Variants in RALB observed in about 807,000 individuals in gnomAD.
RALB encodes ras-related protein Ral-B.
Under a neutral mutation model 21.3 loss-of-function variants are expected in RALB, and 16 were observed. The ratio of observed to expected loss-of-function variants is 0.75; its 90% confidence interval spans 0.51 to 1.14. The LOEUF is 1.14. Ranked by LOEUF, RALB falls within the 50% of genes most tolerant of loss-of-function variation. The probability of loss-of-function intolerance (pLI) is 0.00; values close to 1 mark genes in which losing one functional copy is unlikely to be tolerated. For missense variants in RALB, 161 were observed against 256.2 expected, an observed-to-expected ratio of 0.63 and a Z score of 2.54; for synonymous variants, 93 against 96.1, an observed-to-expected ratio of 0.97 and a Z score of 0.19.
intron 1 of RALB, among the ~76,000 whole-genome samples, chr2:120,241,399 G>A (rs1470792181): frequency 6.6e-6 from 1 of 152,192 alleles, no homozygotes; most frequent in East Asian, 1.9e-4. Context: ...GAAGGAAACA[G>A]CCTCCTCACA....
chr2:120,271,551 GCC>G (rs1689666259), intron 1 of RALB, among the ~76,000 whole-genome samples: 1 of 152,050 alleles, frequency 6.6e-6, no homozygotes, highest in South Asian at 2.1e-4. Flanking sequence ...GGCACTTTAG[GCC>G]CATTTATAGA....
At chr2:120,289,238 C>T (rs1360166997) in intron 3 of RALB, among the ~76,000 whole-genome samples, 2 of 101,166 alleles carry the variant, frequency 2.0e-5, no homozygotes, top group South Asian at 3.1e-4. Context: ...CATTTTTCTT[C>T]TTTTTGTTTT....
At chr2:120,250,037 C>T (rs1252652611), upstream of RALB, among the ~76,000 whole-genome samples, 3 of 152,232 alleles carry the variant, frequency 2.0e-5, no homozygotes, top group African/African-American at 7.2e-5. Context: ...GAGGTCCTAG[C>T]TTAAATGTCA....
In RALB at chr2:120,285,991, A is replaced by G. The variant is rs1290831341; in HGVS notation, c.232A>G (p.Ile78Val). 2 of 1,614,160 alleles carry G rather than the reference A, an allele frequency of 1.2e-6. No individual in the cohort carries two copies. The highest frequency in any genetic ancestry group is 8.5e-7 in the Non-Finnish European group (1 of 1,180,008). ...CGCTGGGCAAGAGGACTACGCAGCC[A>G]TTCGAGATAACTACTTTCGGAGTGG... Reference protein sequence around the residue: ...DTAGQEDYAAIRDNYFRSGEG... With the variant: ...DTAGQEDYAAVRDNYFRSGEG... Residue 78 changes from isoleucine to valine, a missense_variant, in exon 3 of 5, where the codon ATT becomes GTT. Coordinates refer to ENST00000272519, the MANE Select transcript of RALB (RefSeq NM_002881.3).
intron 2 of RALB, among the ~76,000 whole-genome samples, chr2:120,285,188 G>A (rs937035587): frequency 6.6e-6 from 1 of 152,138 alleles, no homozygotes; most frequent in East Asian, 1.9e-4. Flanking sequence ...GAAGTGCAGA[G>A]CGAAGTGGGG....
In RALB at chr2:120,271,291, T is replaced by C. The variant is rs560248804; in HGVS notation, c.-47-7327T>C. On this transcript the variant is annotated intron_variant, in intron 1 of 4. Transcript: ENST00000272519. ...CTTCTCAAGTGAATATATGTTCTGG[T>C]ATTTGGTTTTATGCTAAGTGGTAGA... Among the ~76,000 whole-genome samples, 163 of 152,344 alleles carry C rather than the reference T, an allele frequency of 1.1e-3. 2 individuals carry two copies. Among genetic ancestry groups the C allele is most frequent in the Non-Finnish European group, 1.5e-3 (102 of 68,036 alleles).
intron 1 of RALB, among the ~76,000 whole-genome samples, chr2:120,242,441 G>A (rs186852304): frequency 6.6e-5 from 10 of 152,312 alleles, no homozygotes; most frequent in Non-Finnish European, 1.5e-4. Flanking sequence ...TAGGCCAGGC[G>A]CAGTGGCTCA....
upstream of RALB, among the ~76,000 whole-genome samples, chr2:120,252,280 G>A (rs1251793333): frequency 6.6e-6 from 1 of 152,112 alleles, no homozygotes; most frequent in African/African-American, 2.4e-5. Flanking sequence ...CCTTGTAGGC[G>A]GCCTGGGTCC....
intron 2 of RALB, among the ~76,000 whole-genome samples, chr2:120,280,396 C>T (rs1444670471): frequency 6.6e-6 from 1 of 152,122 alleles, no homozygotes; most frequent in Non-Finnish European, 1.5e-5. Flanking sequence ...GAGTTCATGT[C>T]CTTTGCAGGG....
At chr2:120,285,568 A>G (rs1425417825) in intron 2 of RALB, among the ~76,000 whole-genome samples, 2 of 79,134 alleles carry the variant, frequency 2.5e-5, no homozygotes, top group Non-Finnish European at 5.5e-5. Flanking sequence ...TTAAAGTATA[A>G]TTAAAAAAGA....
intron 1 of RALB, among the ~76,000 whole-genome samples, chr2:120,256,050 G>A (rs1689192691): frequency 6.6e-6 from 1 of 151,632 alleles, no homozygotes. Context: ...CCCAAACTTA[G>A]CAGCTTAAAA....
intron 1 of RALB, among the ~76,000 whole-genome samples, chr2:120,258,871 G>A (rs571813165): frequency 5.9e-4 from 90 of 152,294 alleles, no homozygotes; most frequent in African/African-American, 1.9e-3. Context: ...GGACCCTCGC[G>A]GTGAGTGTTA....
intron 1 of RALB, among the ~76,000 whole-genome samples, chr2:120,263,757 T>C (rs966613855): frequency 6.6e-6 from 1 of 152,154 alleles, no homozygotes; most frequent in Non-Finnish European, 1.5e-5. Flanking sequence ...CTCGAACTCC[T>C]GAGCTCAAGC....
intron 2 of RALB, among the ~76,000 whole-genome samples, chr2:120,280,014 A>G (rs750533300): frequency 6.6e-6 from 1 of 152,046 alleles, no homozygotes; most frequent in Admixed American, 6.6e-5. Context: ...GAGTACTCCA[A>G]CCGCCCACTG....
At chr2:120,258,805 T>C (rs1469975496) in intron 1 of RALB, among the ~76,000 whole-genome samples, 4 of 152,232 alleles carry the variant, frequency 2.6e-5, no homozygotes, top group Non-Finnish European at 4.4e-5. Context: ...ATACGGATAC[T>C]AGCGTGTCCG....
chr2:120,275,373 C>G (rs565363296), intron 1 of RALB, among the ~76,000 whole-genome samples: 194 of 152,346 alleles, frequency 1.3e-3, no homozygotes, highest in African/African-American at 4.1e-3. Context: ...TGCTCTGATT[C>G]TCTCCTGTTT....
intron 1 of RALB, among the ~76,000 whole-genome samples, chr2:120,246,099 G>A (rs1023567537): frequency 3.9e-5 from 6 of 152,176 alleles, no homozygotes; most frequent in Admixed American, 2.6e-4. Flanking sequence ...TAGCAGATGC[G>A]GGGAAGGAAT....
chr2:120,278,508 C>T (rs962715563), intron 1 of RALB, 110 bp from the exon 2 acceptor site: 6 of 1,064,386 alleles, frequency 5.6e-6, no homozygotes, highest in African/African-American at 3.3e-5. Context: ...GATTACTTTC[C>T]TGTTGGAATG....
chr2:120,262,224 G>A (rs11690576), intron 1 of RALB, among the ~76,000 whole-genome samples: 78,471 of 151,970 alleles, frequency 0.52, 20,853 homozygotes, highest in Middle Eastern at 0.71. Context: ...TTTGTAAGAC[G>A]GATGGGGCTA....
Sources: gnomAD v4.1 joint callset for allele counts (sites outside exome capture counted in the v4.1 genomes callset) on GRCh38, gnomAD v4.1.1 for gene constraint, MANE v1.5 for transcripts, NCBI Gene and HGNC (gene_info 2026-07-23, HGNC 2026-07-21) for gene names.